The following RERE variants were observed in gnomAD, a reference collection of about 807,000 sequenced individuals.
The protein encoded by RERE is arginine-glutamic acid dipeptide repeats.
Under a neutral mutation model 146.1 loss-of-function variants are expected in RERE, and 40 were observed. That is an observed-to-expected ratio of 0.27 (90% CI 0.21 to 0.36). RERE has a LOEUF of 0.36. RERE is among the 10% of genes least tolerant of loss of function. The pLI is 1.00. For synonymous variants in RERE, 1,003 were observed against 866.0 expected (o/e 1.16, Z -2.78); for missense variants, 1,933 against 2,138.7 (o/e 0.90, Z 1.90).
At chr1:8,433,329 CATCTT>C (rs1644120787) in intron 11 of RERE, among the ~76,000 whole-genome samples, 1 of 152,182 alleles carries the variant, frequency 6.6e-6, no homozygotes, top group African/African-American at 2.4e-5. Flanking sequence ...TCCAAAAAGA[CATCTT>C]GTCTTGCATG....
At chr1:8,485,487 A>G (rs1018517230) in intron 10 of RERE, among the ~76,000 whole-genome samples, 2 of 152,270 alleles carry the variant, frequency 1.3e-5, no homozygotes, top group East Asian at 1.9e-4. Context: ...TGAAACAACT[A>G]AAGAATACAG....
intron 1 of RERE, chr1:8,786,924 A>T: frequency 1.3e-6 from 1 of 752,822 alleles, no homozygotes; most frequent in South Asian, 1.5e-5. Context: ...TCTTCTCTTC[A>T]ACACCCTCCA....
At chr1:8,810,762 C>T (rs1260072419) in intron 1 of RERE, among the ~76,000 whole-genome samples, 1 of 151,798 alleles carries the variant, frequency 6.6e-6, no homozygotes, top group East Asian at 1.9e-4. Flanking sequence ...AAACAAAAAC[C>T]CTCTATAGTA....
intron 12 of RERE, 53 bp downstream of exon 12, chr1:8,422,674 C>T (rs1643926941): frequency 7.8e-7 from 1 of 1,277,056 alleles, no homozygotes; most frequent in Non-Finnish European, 1.1e-6. Flanking sequence ...TGTGGAGAGG[C>T]AGCAGGAGCA....
chr1:8,388,429 C>T (rs1285316977), intron 12 of RERE, among the ~76,000 whole-genome samples: 1 of 152,086 alleles, frequency 6.6e-6, no homozygotes, highest in Non-Finnish European at 1.5e-5. Flanking sequence ...ACGCCATTCT[C>T]CTGCCTCAGC....
intron 4 of RERE, among the ~76,000 whole-genome samples, chr1:8,602,696 A>G (rs553948578): frequency 6.6e-6 from 1 of 152,194 alleles, no homozygotes; most frequent in Admixed American, 6.5e-5. Context: ...CAAAAACAAA[A>G]CCAAAAAACT....
intron 1 of RERE, among the ~76,000 whole-genome samples, chr1:8,815,528 G>C (rs1226613037): frequency 6.6e-6 from 1 of 152,094 alleles, no homozygotes; most frequent in Non-Finnish European, 1.5e-5. Context: ...ATACAAAAAA[G>C]AAAGAGCAGC....
intron 10 of RERE, among the ~76,000 whole-genome samples, chr1:8,490,595 A>C (rs1644968150): frequency 6.6e-6 from 1 of 150,530 alleles, no homozygotes; most frequent in Non-Finnish European, 1.5e-5. Flanking sequence ...ATATCCATAC[A>C]AGGGAATACT....
At chr1:8,622,594 A>C (rs1372008046) in intron 3 of RERE, among the ~76,000 whole-genome samples, 2 of 151,944 alleles carry the variant, frequency 1.3e-5, no homozygotes, top group African/African-American at 4.8e-5. Flanking sequence ...TAAAAACTGG[A>C]TAGAAAGCAT....
intron 4 of RERE, among the ~76,000 whole-genome samples, chr1:8,602,347 C>T (rs1227169147): frequency 2.0e-5 from 3 of 150,370 alleles, no homozygotes; most frequent in Non-Finnish European, 4.4e-5. Flanking sequence ...GCTGAGACTG[C>T]GCCACTGCAC....
At chr1:8,630,065 G>T (rs1275856912) in intron 2 of RERE, among the ~76,000 whole-genome samples, 1 of 152,192 alleles carries the variant, frequency 6.6e-6, no homozygotes, top group African/African-American at 2.4e-5. Context: ...AACAGTCAAT[G>T]AGGTACAGTA....
chr1:8,517,598 T>C (rs964508030), intron 7 of RERE, among the ~76,000 whole-genome samples: 1 of 152,232 alleles, frequency 6.6e-6, no homozygotes, highest in Non-Finnish European at 1.5e-5. Context: ...ATCTTTGTTT[T>C]AGAATATGAA....
chr1:8,778,638 AC>A (rs1355642376), intron 1 of RERE, among the ~76,000 whole-genome samples: 1 of 152,118 alleles, frequency 6.6e-6, no homozygotes, highest in Non-Finnish European at 1.5e-5. Context: ...GGAGTTCAAG[AC>A]CAGCCTGGGC....
chr1:8,618,730 T>C (rs1646885064), intron 3 of RERE, among the ~76,000 whole-genome samples: 1 of 152,228 alleles, frequency 6.6e-6, no homozygotes, highest in African/African-American at 2.4e-5. Flanking sequence ...CGCTACCTGA[T>C]GATATCTCCC....
chr1:8,613,976 G>A (rs1440519665), intron 4 of RERE, among the ~76,000 whole-genome samples: 3 of 152,126 alleles, frequency 2.0e-5, no homozygotes, highest in Non-Finnish European at 2.9e-5. Context: ...ACTTCATCCT[G>A]CTGCCTCTTA....
At chr1:8,782,085 T>G (rs949132478) in intron 1 of RERE, among the ~76,000 whole-genome samples, 9 of 152,130 alleles carry the variant, frequency 5.9e-5, no homozygotes, top group African/African-American at 1.9e-4. Flanking sequence ...ACTCACTCTC[T>G]CAAATTCTCC....
chr1:8,743,913 T>A (rs938546663), intron 1 of RERE, among the ~76,000 whole-genome samples: 1 of 152,192 alleles, frequency 6.6e-6, no homozygotes, highest in African/African-American at 2.4e-5. Context: ...TATATTACTG[T>A]CTGTTTTCTC....
At chr1:8,733,185 G>A (rs1486562696) in intron 1 of RERE, among the ~76,000 whole-genome samples, 1 of 152,128 alleles carries the variant, frequency 6.6e-6, no homozygotes, top group Non-Finnish European at 1.5e-5. Flanking sequence ...AAGAGAGAGA[G>A]AGAGAGTGAG....
intron 1 of RERE, among the ~76,000 whole-genome samples, chr1:8,790,276 A>G (rs2124573590): frequency 6.6e-6 from 1 of 152,292 alleles, no homozygotes; most frequent in African/African-American, 2.4e-5. Flanking sequence ...ACCCCCCCAA[A>G]AAAAATTAAA....
Sources: allele counts gnomAD v4.1 joint callset (sites outside exome capture counted in the v4.1 genomes callset), GRCh38; gene constraint gnomAD v4.1.1; transcripts MANE v1.5; gene names NCBI Gene and HGNC (gene_info 2026-07-23, HGNC 2026-07-21).